JAZF1: variants seen among roughly 807,000 people sequenced by gnomAD.
JAZF1 encodes the protein JAZF zinc finger 1, also known as juxtaposed with another zinc finger protein 1.
In JAZF1, 8 loss-of-function variants were observed where a neutral mutation model predicts 26.4. The observed-to-expected ratio is 0.30, with a 90% confidence interval of 0.18 to 0.55. The LOEUF (loss-of-function observed/expected upper bound fraction) is 0.55, where lower values mean the gene tolerates loss of function less well. Among genes scored for constraint, JAZF1 ranks in the 20% least tolerant of loss-of-function variants. JAZF1 has a pLI of 0.94. For synonymous variants in JAZF1, 126 were observed against 122.3 expected, an observed-to-expected ratio of 1.03 and a Z score of -0.20; for missense variants, 199 against 322.0, an observed-to-expected ratio of 0.62 and a Z score of 2.92.
chr7:28,078,600 C>A (rs982161090), intron 1 of JAZF1, among the ~76,000 whole-genome samples: 1 of 152,156 alleles, frequency 6.6e-6, no homozygotes, highest in Admixed American at 6.5e-5. Flanking sequence ...AGAGAGAGGG[C>A]CACTTGACAT....
At chr7:27,845,710 A>G (rs954061317) in intron 3 of JAZF1, among the ~76,000 whole-genome samples, 43 of 146,476 alleles carry the variant, frequency 2.9e-4, no homozygotes, top group African/African-American at 7.5e-4. Flanking sequence ...AAAAAAAAAA[A>G]AAAAGAAAAG....
intron 1 of JAZF1, among the ~76,000 whole-genome samples, chr7:28,000,129 A>G (rs1305801390): frequency 6.6e-6 from 1 of 152,028 alleles, no homozygotes; most frequent in African/African-American, 2.4e-5. Flanking sequence ...GTTGAAGAGT[A>G]TTAGTTGCAG....
At chr7:28,081,089 C>T (rs1401615022) in intron 1 of JAZF1, among the ~76,000 whole-genome samples, 1 of 152,116 alleles carries the variant, frequency 6.6e-6, no homozygotes, top group Admixed American at 6.6e-5. Flanking sequence ...GGGACCAGCA[C>T]AGGAAAGGCA....
At chr7:28,019,350 C>T (rs143926158) in intron 1 of JAZF1, among the ~76,000 whole-genome samples, 13 of 152,284 alleles carry the variant, frequency 8.5e-5, no homozygotes, top group South Asian at 4.1e-4. Context: ...GACAAAGGCA[C>T]GTAGGGTGGC....
intron 3 of JAZF1, among the ~76,000 whole-genome samples, chr7:27,856,839 G>C (rs1038523528): frequency 6.6e-6 from 1 of 152,212 alleles, no homozygotes; most frequent in Non-Finnish European, 1.5e-5. Flanking sequence ...GTGCTGATTG[G>C]TGCATTCACA....
chr7:27,982,865 C>A (rs1335238555), intron 2 of JAZF1, among the ~76,000 whole-genome samples: 1 of 152,192 alleles, frequency 6.6e-6, no homozygotes, highest in Non-Finnish European at 1.5e-5. Context: ...TCCAACAGAC[C>A]TGCAGCTGAG....
chr7:27,992,827 A>C (rs995787628), intron 1 of JAZF1, among the ~76,000 whole-genome samples: 1 of 152,220 alleles, frequency 6.6e-6, no homozygotes, highest in African/African-American at 2.4e-5. Flanking sequence ...TTATAAACTC[A>C]CTTCAAACTA....
chr7:27,926,988 G>C (rs1421780936), intron 2 of JAZF1, among the ~76,000 whole-genome samples: 1 of 152,182 alleles, frequency 6.6e-6, no homozygotes, highest in African/African-American at 2.4e-5. Flanking sequence ...ACATCTCCCC[G>C]GGAGTTCTTC....
intron 3 of JAZF1, among the ~76,000 whole-genome samples, chr7:27,847,498 T>A (rs1783052934): frequency 1.3e-5 from 2 of 152,170 alleles, no homozygotes; most frequent in African/African-American, 4.8e-5. Flanking sequence ...CGAGTCTATG[T>A]AGAAACCCAG....
In JAZF1 at chr7:28,076,553, G is replaced by A. The variant is rs148799684; in HGVS notation, c.116-84572C>T. ...GTTTAAGGAAATCAGAATGAGATGC[G>A]AATTCTGAATTCCGGTTAGGATAAC... is the stretch of plus-strand genomic sequence containing the variant. On this transcript the variant is annotated intron_variant, in intron 1 of 4. Transcript: ENST00000283928. Among the ~76,000 whole-genome samples the A allele has an allele frequency of 6.3e-3, 956 of 152,138 alleles. 5 individuals carry two copies. The highest frequency in any genetic ancestry group is 0.017 in the Middle Eastern group (5 of 294).
At chr7:27,959,815 G>A (rs895660388) in intron 2 of JAZF1, among the ~76,000 whole-genome samples, 1 of 151,838 alleles carries the variant, frequency 6.6e-6, no homozygotes, top group Non-Finnish European at 1.5e-5. Flanking sequence ...CAGGAGAATC[G>A]CTTGAACCCA....
chr7:27,953,615 A>G (rs1785044652), intron 2 of JAZF1, among the ~76,000 whole-genome samples: 1 of 152,184 alleles, frequency 6.6e-6, no homozygotes, highest in Non-Finnish European at 1.5e-5. Flanking sequence ...GGAATCTCTA[A>G]AGAGACTCCA....
chr7:27,885,251 T>A (rs1199475660), intron 3 of JAZF1, among the ~76,000 whole-genome samples: 2 of 152,212 alleles, frequency 1.3e-5, no homozygotes, highest in African/African-American at 2.4e-5. Flanking sequence ...TGTGGGCACA[T>A]CCTTCAACAA....
In JAZF1 at chr7:28,174,942, C is replaced by A. The variant is rs1175235100; in HGVS notation, c.115+5521G>T. Among the ~76,000 whole-genome samples the A allele has an allele frequency of 2.4e-5, 3 of 124,692 alleles. 1 individual carries two copies. Among genetic ancestry groups the A allele is most frequent in the Non-Finnish European group, 6.0e-5 (3 of 50,282 alleles). The allele number at this position is 124,692 out of a possible 152,430, so 81.8% of individuals were successfully genotyped here. ...GAGATCTTGCCGCCAAGCCACAGGG[C>A]ACAGGCAGAGAGCAGGGCAGGCAGC... On this transcript the variant is annotated intron_variant, in intron 1 of 4. Coordinates refer to ENST00000283928, the MANE Select transcript of JAZF1 (RefSeq NM_175061.4).
At chr7:28,009,526 C>T (rs994170143) in intron 1 of JAZF1, among the ~76,000 whole-genome samples, 1 of 144,934 alleles carries the variant, frequency 6.9e-6, no homozygotes, top group Admixed American at 6.9e-5. Context: ...CTCTGTCGCC[C>T]AGGCTGGAGT....
chr7:27,979,460 C>A (rs1021191748), intron 2 of JAZF1, among the ~76,000 whole-genome samples: 12 of 125,476 alleles, frequency 9.6e-5, no homozygotes, highest in Admixed American at 1.0e-4. Flanking sequence ...CCCATCATAG[C>A]TAACTGTAGC....
chr7:27,841,208 A>C, intron 3 of JAZF1: 1 of 235,808 alleles, frequency 4.2e-6, no homozygotes, highest in South Asian at 9.1e-5. Flanking sequence ...AAAAATAAGC[A>C]ACGATGACAG....
chr7:28,175,130 G>C (rs1009121469), intron 1 of JAZF1, among the ~76,000 whole-genome samples: 2 of 152,170 alleles, frequency 1.3e-5, no homozygotes, highest in African/African-American at 4.8e-5. Flanking sequence ...GTTGGAAGCC[G>C]CTGGCTTTGA....
Position 28,180,658 on chromosome 7 carries a change from A to T in JAZF1, c.-81T>A. ...GGAGGGAGGGAGGCCGGGTGGGGTG[A>T]GGAGAGGAGGGGCTGGGGGAGGGGG... On this transcript the variant is annotated 5_prime_UTR_variant, in exon 1 of 5. Transcript: ENST00000283928. 1.9e-5 allele frequency: 6 copies of T among 318,558 alleles called. No homozygotes were observed. The highest frequency in any genetic ancestry group is 3.7e-5 in the Admixed American group (1 of 27,326). 19.7% of individuals were successfully genotyped at this position (318,558 alleles called of 1,614,324 possible).
Sources: allele counts gnomAD v4.1 joint callset (sites outside exome capture counted in the v4.1 genomes callset), GRCh38; gene constraint gnomAD v4.1.1; transcripts MANE v1.5; gene names NCBI Gene and HGNC (gene_info 2026-07-23, HGNC 2026-07-21).